The following GRID2 variants were observed in gnomAD, a reference collection of about 807,000 sequenced individuals.
GRID2 encodes the protein glutamate receptor ionotropic, delta-2.
GRID2 carries 33 observed loss-of-function variants against 114.8 expected under a neutral mutation model. The ratio of observed to expected loss-of-function variants is 0.29; its 90% confidence interval spans 0.22 to 0.38. The LOEUF is 0.38. Ranked by LOEUF, GRID2 falls within the 10% of genes least tolerant of loss-of-function variation. The pLI, the probability that GRID2 is intolerant of heterozygous loss-of-function variation, is 1.00. For synonymous variants in GRID2, 505 were observed against 449.9 expected, an observed-to-expected ratio of 1.12 and a Z score of -1.55; for missense variants, 1,184 against 1,257.7, an observed-to-expected ratio of 0.94 and a Z score of 0.89.
chr4:93,022,321 T>C (rs1009670299), intron 2 of GRID2, among the ~76,000 whole-genome samples: 1 of 151,932 alleles, frequency 6.6e-6, no homozygotes, highest in Non-Finnish European at 1.5e-5. Flanking sequence ...ATACCAAAAA[T>C]GCTATTTTAA....
intron 14 of GRID2, among the ~76,000 whole-genome samples, chr4:93,714,063 T>G (rs11727959): frequency 1.0e-3 from 157 of 152,190 alleles, no homozygotes; most frequent in Non-Finnish European, 1.8e-3. Flanking sequence ...CTAGCATCCA[T>G]TAGCTATTCT....
At chr4:92,772,543 G>A (rs1269909110) in intron 2 of GRID2, among the ~76,000 whole-genome samples, 1 of 152,016 alleles carries the variant, frequency 6.6e-6, no homozygotes, top group Non-Finnish European at 1.5e-5. Context: ...TTCATAACGA[G>A]CATATCTAAT....
At chr4:92,720,779 T>A (rs1044870589) in intron 2 of GRID2, among the ~76,000 whole-genome samples, 1 of 152,046 alleles carries the variant, frequency 6.6e-6, no homozygotes, top group South Asian at 2.1e-4. Context: ...ATTCAAAAAT[T>A]GATGATGGCA....
intron 3 of GRID2, among the ~76,000 whole-genome samples, chr4:93,101,731 C>A (rs1174573323): frequency 6.6e-6 from 1 of 151,920 alleles, no homozygotes; most frequent in African/African-American, 2.4e-5. Flanking sequence ...TAAAATGAAT[C>A]ATTAAGCTTC....
intron 4 of GRID2, among the ~76,000 whole-genome samples, chr4:93,169,603 T>C (rs1448574498): frequency 6.6e-6 from 1 of 152,208 alleles, no homozygotes; most frequent in East Asian, 1.9e-4. Flanking sequence ...AAAGCATCCT[T>C]TATATCACAG....
chr4:92,907,731 C>G (rs902021080), intron 2 of GRID2, among the ~76,000 whole-genome samples: 1 of 151,650 alleles, frequency 6.6e-6, no homozygotes, highest in Non-Finnish European at 1.5e-5. Flanking sequence ...TCTTTAAAAA[C>G]TTAAATTTTC....
At chr4:93,317,279 A>G (rs1417176783) in intron 8 of GRID2, among the ~76,000 whole-genome samples, 3 of 151,666 alleles carry the variant, frequency 2.0e-5, no homozygotes, top group African/African-American at 7.3e-5. Flanking sequence ...TGCTGTTCAT[A>G]AGGGATTAGC....
intron 14 of GRID2, among the ~76,000 whole-genome samples, chr4:93,644,469 A>C (rs1045917833): frequency 6.6e-6 from 1 of 152,092 alleles, no homozygotes; most frequent in Non-Finnish European, 1.5e-5. Context: ...TCTTTATCCA[A>C]AATAGTGGTT....
chr4:92,913,149 G>T (rs1296501362), intron 2 of GRID2, among the ~76,000 whole-genome samples: 1 of 151,692 alleles, frequency 6.6e-6, no homozygotes, highest in Non-Finnish European at 1.5e-5. Context: ...TAAAACTTCT[G>T]AGTATGTATG....
At chr4:92,568,835 G>A (rs375411285) in intron 1 of GRID2, among the ~76,000 whole-genome samples, 10 of 151,960 alleles carry the variant, frequency 6.6e-5, no homozygotes, top group African/African-American at 2.2e-4. Flanking sequence ...TTGGTTTTCT[G>A]TTCCTGCATT....
chr4:93,714,182 A>G (rs561118339), intron 14 of GRID2, among the ~76,000 whole-genome samples: 633 of 152,056 alleles, frequency 4.2e-3, no homozygotes, highest in Non-Finnish European at 7.0e-3. Context: ...AAGTGAGAAC[A>G]TGTGGTGTTT....
intron 13 of GRID2, among the ~76,000 whole-genome samples, chr4:93,536,516 G>T (rs1218426371): frequency 6.6e-6 from 1 of 151,708 alleles, no homozygotes; most frequent in Non-Finnish European, 1.5e-5. Flanking sequence ...GAATGAAACT[G>T]AATCCTTATA....
rs571427487 is a variant in GRID2 at position 92,929,938 on chromosome 4, A to T, written c.245-155057A>T. The stretch of plus-strand genomic sequence containing the variant: ...TTTTACTTGGGTTGTACAAAATCAT[A>T]ATATCTTAGGTATGTAAAACACTTT... On this transcript the variant is annotated intron_variant, in intron 2 of 15. Coordinates refer to ENST00000282020, the MANE Select transcript of GRID2 (RefSeq NM_001510.4). Among the ~76,000 whole-genome samples the T allele has an allele frequency of 2.0e-5, 3 of 151,468 alleles. No individual in the cohort carries two copies. In the South Asian group the frequency reaches 6.2e-4, roughly 31 times the overall value.
chr4:93,047,881 A>AG (rs1428378126), intron 2 of GRID2, among the ~76,000 whole-genome samples: 1 of 150,626 alleles, frequency 6.6e-6, no homozygotes, highest in African/African-American at 2.5e-5. Context: ...CAAACAAACA[A>AG]ACAAAAAAAA....
intron 1 of GRID2, among the ~76,000 whole-genome samples, chr4:92,376,538 A>G (rs576414442): frequency 6.6e-6 from 1 of 152,086 alleles, no homozygotes; most frequent in Non-Finnish European, 1.5e-5. Flanking sequence ...TCTGGAGGAA[A>G]GTGGCCCTCT....
At chr4:93,265,905 A>C (rs1162433509) in intron 8 of GRID2, among the ~76,000 whole-genome samples, 13 of 152,134 alleles carry the variant, frequency 8.5e-5, no homozygotes, top group Non-Finnish European at 1.5e-5. Context: ...CTCCTTTAAG[A>C]ATTTTTATTT....
chr4:93,333,872 TAA>T (rs11326600), intron 8 of GRID2, among the ~76,000 whole-genome samples: 7 of 151,150 alleles, frequency 4.6e-5, no homozygotes, highest in African/African-American at 1.7e-4. Flanking sequence ...AAGGAGAACC[TAA>T]AAAAAAATGT....
intron 2 of GRID2, among the ~76,000 whole-genome samples, chr4:92,898,375 T>C (rs896462293): frequency 2.6e-5 from 4 of 152,168 alleles, no homozygotes; most frequent in Non-Finnish European, 2.9e-5. Flanking sequence ...ACACTATTTT[T>C]CCCAATGATT....
chr4:92,562,258 G>A (rs1254828919), intron 1 of GRID2, among the ~76,000 whole-genome samples: 1 of 152,146 alleles, frequency 6.6e-6, no homozygotes, highest in African/African-American at 2.4e-5. Context: ...ACAAAGTTCA[G>A]TTTGTGCTGT....
Sources: allele counts gnomAD v4.1 joint callset (sites outside exome capture counted in the v4.1 genomes callset), GRCh38; gene constraint gnomAD v4.1.1; transcripts MANE v1.5; gene names NCBI Gene and HGNC (gene_info 2026-07-23, HGNC 2026-07-21).